Variants in OXR1 observed in about 807,000 individuals in gnomAD.
OXR1 encodes oxidation resistance 1.
Under a neutral mutation model 104.6 loss-of-function variants are expected in OXR1, and 41 were observed. That is an observed-to-expected ratio of 0.39 (90% confidence interval 0.31 to 0.51). OXR1 has a LOEUF of 0.51. Ranked by LOEUF, OXR1 falls within the 20% of genes least tolerant of loss-of-function variation. OXR1 has a pLI of 0.77. For missense variants in OXR1, 955 were observed against 1,031.9 expected (o/e 0.93, Z 1.02); for synonymous variants, 348 against 348.4 (o/e 1.00, Z 0.01).
intron 1 of OXR1, among the ~76,000 whole-genome samples, chr8:106,357,341 G>T (rs1178625889): frequency 6.6e-6 from 1 of 151,908 alleles, no homozygotes; most frequent in Non-Finnish European, 1.5e-5. Flanking sequence ...CTTTACAGAT[G>T]TAAGTCTATA....
intron 3 of OXR1, among the ~76,000 whole-genome samples, chr8:106,534,582 G>C (rs1318107644): frequency 6.6e-6 from 1 of 152,062 alleles, no homozygotes; most frequent in Non-Finnish European, 1.5e-5. Context: ...AAATAACACA[G>C]GTTCAGATGT....
At chr8:106,629,034 A>G (rs1372345730) in intron 3 of OXR1, among the ~76,000 whole-genome samples, 1 of 152,198 alleles carries the variant, frequency 6.6e-6, no homozygotes, top group Non-Finnish European at 1.5e-5. Flanking sequence ...TCAGAGCGTA[A>G]CAGAGTAAGA....
chr8:106,344,102 C>G (rs142258814), intron 1 of OXR1, among the ~76,000 whole-genome samples: 4 of 152,284 alleles, frequency 2.6e-5, no homozygotes, highest in East Asian at 3.9e-4. Flanking sequence ...TTCTCACATT[C>G]CCTGTCTTCC....
intron 7 of OXR1, among the ~76,000 whole-genome samples, chr8:106,695,357 T>C (rs965463175): frequency 1.3e-5 from 2 of 151,920 alleles, no homozygotes; most frequent in African/African-American, 4.8e-5. Flanking sequence ...TTTATTTGCC[T>C]TGAAAAAGTC....
intron 2 of OXR1, among the ~76,000 whole-genome samples, chr8:106,431,431 T>G (rs1819354592): frequency 6.6e-6 from 1 of 152,190 alleles, no homozygotes; most frequent in African/African-American, 2.4e-5. Flanking sequence ...CCCATGTACC[T>G]GTGATATTGT....
intron 3 of OXR1, among the ~76,000 whole-genome samples, chr8:106,540,985 C>T (rs979353235): frequency 6.6e-6 from 1 of 152,148 alleles, no homozygotes. Flanking sequence ...CAAACCATAT[C>T]AGGTGCACAG....
chr8:106,297,704 T>TGGTACATGA (rs1813059044), intron 1 of OXR1, among the ~76,000 whole-genome samples: 1 of 152,190 alleles, frequency 6.6e-6, no homozygotes, highest in African/African-American at 2.4e-5. Context: ...TACCTGCTGT[T>TGGTACATGA]TGGGGGACAC....
intron 2 of OXR1, among the ~76,000 whole-genome samples, chr8:106,444,620 A>C (rs1449992164): frequency 6.6e-6 from 1 of 152,138 alleles, no homozygotes; most frequent in African/African-American, 2.4e-5. Context: ...TCTCATTCAT[A>C]AGTGGGAGTT....
At chr8:106,362,080 G>T (rs902365044) in intron 2 of OXR1, among the ~76,000 whole-genome samples, 7 of 152,126 alleles carry the variant, frequency 4.6e-5, no homozygotes, top group African/African-American at 1.2e-4. Context: ...GGTCAGCCTC[G>T]CAGGGCAGCT....
intron 7 of OXR1, among the ~76,000 whole-genome samples, chr8:106,696,221 G>A (rs1830015563): frequency 6.6e-6 from 1 of 152,096 alleles, no homozygotes; most frequent in African/African-American, 2.4e-5. Flanking sequence ...GAATCATAGA[G>A]TATGATTGAA....
chr8:106,359,692 T>G (rs1816155848), intron 2 of OXR1, 56 bp downstream of exon 2: 3 of 1,319,268 alleles, frequency 2.3e-6, no homozygotes, highest in Admixed American at 3.9e-5. Flanking sequence ...ATGAGCAGTA[T>G]TTTCTGAGGG....
At chr8:106,307,393 A>G (rs779345380) in intron 1 of OXR1, among the ~76,000 whole-genome samples, 6 of 151,984 alleles carry the variant, frequency 3.9e-5, no homozygotes, top group Non-Finnish European at 8.8e-5. Flanking sequence ...CTAGCCTTAT[A>G]TTTGCTAGTC....
At chr8:106,431,285 G>T (rs1433071595) in intron 2 of OXR1, among the ~76,000 whole-genome samples, 1 of 152,136 alleles carries the variant, frequency 6.6e-6, no homozygotes, top group Non-Finnish European at 1.5e-5. Flanking sequence ...TGATGGTGAT[G>T]ATGATGATGA....
chr8:106,730,495 C>T (rs975940268), intron 11 of OXR1, among the ~76,000 whole-genome samples: 1 of 152,120 alleles, frequency 6.6e-6, no homozygotes, highest in Non-Finnish European at 1.5e-5. Context: ...GTAGCCTTTT[C>T]AGATTGGCTT....
chr8:106,704,384 T>G lies in OXR1; in HGVS notation c.860+1294T>G, dbSNP rs566073677. On this transcript the variant is annotated intron_variant, in intron 8 of 16. Coordinates refer to ENST00000517566, the MANE Select transcript of OXR1 (RefSeq NM_001198533.2). Reference sequence around the variant, plus strand: ...TTTTCTTTCTTTTTCTTTTTCTTTCTTTCTTCTTCTTTTTTTTTTTTTTTT... The same window carrying G: ...TTTTCTTTCTTTTTCTTTTTCTTTCGTTCTTCTTCTTTTTTTTTTTTTTTT... 1.9e-3 allele frequency among the ~76,000 whole-genome samples: 268 copies of G among 138,166 alleles called. 1 individual carries two copies. The highest frequency in any genetic ancestry group is 6.8e-3 in the African/African-American group (257 of 37,982). 90.6% of individuals were successfully genotyped at this position (138,166 alleles called of 152,430 possible). A position where few individuals can be genotyped will look rare whatever the true frequency, so the allele number is the denominator to read the frequency against.
intron 2 of OXR1, among the ~76,000 whole-genome samples, chr8:106,484,627 C>T (rs1023789331): frequency 1.3e-5 from 2 of 152,020 alleles, no homozygotes; most frequent in African/African-American, 4.8e-5. Flanking sequence ...GATACCACTA[C>T]ACACCTATTA....
intron 10 of OXR1, 26 bp from the exon 11 acceptor site, chr8:106,713,797 A>G: frequency 7.0e-7 from 1 of 1,419,284 alleles, no homozygotes; most frequent in Non-Finnish European, 9.4e-7. Context: ...AATACTAGGT[A>G]TATTAATAGT....
chr8:106,418,264 A>AAT (rs1253541284), intron 2 of OXR1, among the ~76,000 whole-genome samples: 2 of 151,878 alleles, frequency 1.3e-5, no homozygotes, highest in Non-Finnish European at 2.9e-5. Flanking sequence ...TGGGCTACTT[A>AAT]ATATATATAT....
chr8:106,299,823 A>C (rs1192454773), intron 1 of OXR1, among the ~76,000 whole-genome samples: 1 of 140,916 alleles, frequency 7.1e-6, no homozygotes, highest in Non-Finnish European at 1.5e-5. Flanking sequence ...TAAATAGTTA[A>C]TTTTAGATAA....
Sources: gnomAD v4.1 joint callset for allele counts (sites outside exome capture counted in the v4.1 genomes callset) on GRCh38, gnomAD v4.1.1 for gene constraint, MANE v1.5 for transcripts, NCBI Gene and HGNC (gene_info 2026-07-23, HGNC 2026-07-21) for gene names.